The following ARHGAP44 variants were observed in gnomAD, a reference collection of about 807,000 sequenced individuals.
ARHGAP44 encodes the protein Rho GTPase activating protein 44.
ARHGAP44 carries 43 observed loss-of-function variants against 106.8 expected under a neutral mutation model. That is an observed-to-expected ratio of 0.40 (90% CI 0.32 to 0.52). The LOEUF (loss-of-function observed/expected upper bound fraction) is 0.52. Among genes scored for constraint, ARHGAP44 ranks in the 20% least tolerant of loss-of-function variants. The pLI is 0.48. For synonymous variants in ARHGAP44, 439 were observed against 410.3 expected, an observed-to-expected ratio of 1.07 and a Z score of -0.85; for missense variants, 866 against 1,050.5, an observed-to-expected ratio of 0.82 and a Z score of 2.43.
chr17:12,829,816 A>G (rs1037735402), intron 1 of ARHGAP44, among the ~76,000 whole-genome samples: 7 of 152,128 alleles, frequency 4.6e-5, no homozygotes, highest in African/African-American at 9.7e-5. Flanking sequence ...ACTGCCCCAC[A>G]TTCATGATCC....
At chr17:12,879,186 A>G (rs1050336696) in intron 1 of ARHGAP44, among the ~76,000 whole-genome samples, 2 of 152,254 alleles carry the variant, frequency 1.3e-5, no homozygotes, top group Non-Finnish European at 2.9e-5. Context: ...TTGCATCCTC[A>G]TAGCTTAGCT....
In ARHGAP44 at chr17:12,871,314, G is replaced by A. The variant is rs563703290; in HGVS notation, c.54-23626G>A. Reference sequence around the variant, plus strand: ...GGGGTGGTCTCTCATGAATGGTTTCGCACCATCCCCCTTGGTACTTGTATT... The same window carrying A: ...GGGGTGGTCTCTCATGAATGGTTTCACACCATCCCCCTTGGTACTTGTATT... On this transcript the variant is annotated intron_variant, in intron 1 of 20. Coordinates refer to ENST00000379672, the MANE Select transcript of ARHGAP44 (RefSeq NM_014859.6). Among the ~76,000 whole-genome samples the A allele has an allele frequency of 1.6e-4, 24 of 152,232 alleles. 1 individual carries two copies. In the East Asian group the frequency reaches 3.5e-3, roughly 22 times the overall value.
At chr17:12,873,197 C>G (rs2036452738) in intron 1 of ARHGAP44, among the ~76,000 whole-genome samples, 1 of 152,088 alleles carries the variant, frequency 6.6e-6, no homozygotes, top group Non-Finnish European at 1.5e-5. Flanking sequence ...CTCTCCTTAG[C>G]TTAATTCTCT....
chr17:12,871,753 A>G (rs2036413298), intron 1 of ARHGAP44, among the ~76,000 whole-genome samples: 1 of 152,080 alleles, frequency 6.6e-6, no homozygotes, highest in Admixed American at 6.5e-5. Context: ...AGTTCTCCTG[A>G]GATCTGGTTG....
chr17:12,944,126 G>A lies in ARHGAP44; in HGVS notation c.791G>A (p.Ser264Asn). 6.2e-7 allele frequency: 1 copy of A among 1,612,948 alleles called. No homozygotes were observed. The highest frequency in any genetic ancestry group is 8.5e-7 in the Non-Finnish European group (1 of 1,179,762). The change falls in exon 10 of 21, where the codon AGC becomes AAC. Residue 264 changes from serine to asparagine, a missense_variant. Transcript: ENST00000379672. ...GKPLEEHLTI[S>N]GREIAFPIEA... ...CCGCTGGAGGAGCACCTCACCATCA[G>A]CGGCCGGGAGATCGCCTTCCCCATC...
At position 12,980,095 on chromosome 17, in the gene ARHGAP44, C is replaced by G. The variant is rs1339355096; in HGVS notation, c.1801C>G (p.Gln601Glu). The G allele has an allele frequency of 6.2e-7, 1 of 1,613,340 alleles. No homozygotes were observed. Among genetic ancestry groups the G allele is most frequent in the Non-Finnish European group, 8.5e-7 (1 of 1,179,530 alleles). ...CAAGGAACTTTCTCCAGGCTCTGCA[C>G]AGAAAGGAAGTCCAGGCTCCAGCCA... ...KSKELSPGSAQKGSPGSSQGT... is the reference protein window; with the variant it reads ...KSKELSPGSAEKGSPGSSQGT... The change falls in exon 19 of 21, where the codon CAG becomes GAG. Residue 601 changes from glutamine (Q) to glutamate (E), a missense_variant. By Grantham distance (29) the Gln-to-Glu change is conservative. Transcript: ENST00000379672.
At chr17:12,854,643 A>G (rs2035853138) in intron 1 of ARHGAP44, among the ~76,000 whole-genome samples, 1 of 152,190 alleles carries the variant, frequency 6.6e-6, no homozygotes, top group Admixed American at 6.5e-5. Flanking sequence ...TGCAGAGGAT[A>G]TGAACCCGTT....
intron 1 of ARHGAP44, among the ~76,000 whole-genome samples, chr17:12,877,252 G>A (rs1383494678): frequency 6.6e-6 from 1 of 152,070 alleles, no homozygotes; most frequent in Non-Finnish European, 1.5e-5. Context: ...TTTTGAAAAC[G>A]AACACCATCA....
intron 1 of ARHGAP44, among the ~76,000 whole-genome samples, chr17:12,863,472 A>G (rs557357773): frequency 7.2e-5 from 11 of 152,332 alleles, no homozygotes; most frequent in African/African-American, 2.2e-4. Flanking sequence ...TTAGCATGCC[A>G]TCTTTTGCTA....
intron 1 of ARHGAP44, among the ~76,000 whole-genome samples, chr17:12,840,375 A>G (rs2035355254): frequency 6.6e-6 from 1 of 152,186 alleles, no homozygotes; most frequent in African/African-American, 2.4e-5. Flanking sequence ...TTAGATTTAA[A>G]AGGAATGACA....
intron 7 of ARHGAP44, among the ~76,000 whole-genome samples, chr17:12,931,219 A>G (rs890275249): frequency 4.7e-5 from 7 of 149,530 alleles, no homozygotes; most frequent in African/African-American, 1.5e-4. Context: ...CTACAGGCGC[A>G]TGCCACCACT....
chr17:12,789,772 C>G lies in ARHGAP44; in HGVS notation c.-67C>G. Reference sequence around the variant, plus strand: ...AGGCTCCGCGCGGGAGCCATGTAACCCTGCGGCGGGCTCCGGGCTGCTCCG... The same window carrying G: ...AGGCTCCGCGCGGGAGCCATGTAACGCTGCGGCGGGCTCCGGGCTGCTCCG... On this transcript the variant is annotated 5_prime_UTR_variant, in exon 1 of 21. Coordinates refer to ENST00000379672, the MANE Select transcript of ARHGAP44 (RefSeq NM_014859.6). 7.1e-7 allele frequency: 1 copy of G among 1,405,080 alleles called. No individual in the cohort carries two copies. Among genetic ancestry groups the G allele is most frequent in the Non-Finnish European group, 9.3e-7 (1 of 1,073,068 alleles). The allele number at this position is 1,405,080 out of a possible 1,614,324, so 87.0% of individuals were successfully genotyped here. A position where few individuals can be genotyped will look rare whatever the true frequency, so the allele number is the denominator to read the frequency against.
At chr17:12,796,514 C>T (rs936492183) in intron 1 of ARHGAP44, among the ~76,000 whole-genome samples, 1 of 152,226 alleles carries the variant, frequency 6.6e-6, no homozygotes, top group African/African-American at 2.4e-5. Context: ...CCTCCATCCT[C>T]AGTCTCCCTA....
At chr17:12,818,335 G>GAAAAAAAAAAA (rs376432420) in intron 1 of ARHGAP44, among the ~76,000 whole-genome samples, 2 of 91,676 alleles carry the variant, frequency 2.2e-5, no homozygotes, top group East Asian at 2.9e-4. Context: ...ATCTGGAAAA[G>GAAAAAAAAAAA]AAAAAAAAAA....
At chr17:12,828,628 T>TTTTC (rs1567635246) in intron 1 of ARHGAP44, among the ~76,000 whole-genome samples, 22 of 142,212 alleles carry the variant, frequency 1.5e-4, no homozygotes, top group Middle Eastern at 3.4e-3. Flanking sequence ...TTGGATTTTT[T>TTTTC]TTTCTTTCTT....
intron 4 of ARHGAP44, 70 bp from the exon 5 acceptor site, chr17:12,915,830 A>G: frequency 7.5e-7 from 1 of 1,335,984 alleles, no homozygotes; most frequent in Non-Finnish European, 1.0e-6. Flanking sequence ...CCAGGAGGTG[A>G]GGGGAGGGTA....
chr17:12,905,276 AGC>A (rs2037514305), intron 3 of ARHGAP44, among the ~76,000 whole-genome samples: 1 of 152,198 alleles, frequency 6.6e-6, no homozygotes, highest in African/African-American at 2.4e-5. Context: ...AAAATTAAAA[AGC>A]ATATCCCTTA....
chr17:12,940,390 C>G (rs1444901462), intron 7 of ARHGAP44, among the ~76,000 whole-genome samples: 2 of 152,182 alleles, frequency 1.3e-5, no homozygotes, highest in Non-Finnish European at 2.9e-5. Flanking sequence ...AGCTGTTCTC[C>G]TTGGAGGACA....
intron 5 of ARHGAP44, 44 bp from the exon 6 acceptor site, chr17:12,919,711 T>C (rs989902012): frequency 6.4e-7 from 1 of 1,555,448 alleles, no homozygotes; most frequent in African/African-American, 1.4e-5. Flanking sequence ...AGAATTTATC[T>C]TGAGCTTCAG....
Sources: gnomAD v4.1 joint callset for allele counts (sites outside exome capture counted in the v4.1 genomes callset) on GRCh38, gnomAD v4.1.1 for gene constraint, MANE v1.5 for transcripts, NCBI Gene and HGNC (gene_info 2026-07-23, HGNC 2026-07-21) for gene names.